CYP19A1: variants seen among roughly 807,000 people sequenced by gnomAD.
The protein encoded by CYP19A1 is aromatase.
A neutral mutation model predicts 44.4 loss-of-function variants in CYP19A1; 32 were observed. The ratio of observed to expected loss-of-function variants is 0.72; its 90% CI spans 0.54 to 0.97. The LOEUF (loss-of-function observed/expected upper bound fraction) is 0.97, where lower values mean the gene tolerates loss of function less well. CYP19A1 is among the 50% of genes least tolerant of loss of function. The probability of loss-of-function intolerance (pLI) is 0.00; values close to 1 mark genes in which losing one functional copy is unlikely to be tolerated. For missense variants in CYP19A1, 598 were observed against 637.8 expected, an observed-to-expected ratio of 0.94 and a Z score of 0.67; for synonymous variants, 212 against 215.6, an observed-to-expected ratio of 0.98 and a Z score of 0.14.
intron 1 of CYP19A1, among the ~76,000 whole-genome samples, chr15:51,252,735 C>CTGTCA: frequency 6.6e-6 from 1 of 152,268 alleles, no homozygotes; most frequent in South Asian, 2.1e-4. Flanking sequence ...GTGGAGGCCA[C>CTGTCA]TGTCTTCACC....
At chr15:51,288,198 T>C (rs1244974126) in intron 1 of CYP19A1, among the ~76,000 whole-genome samples, 4 of 152,092 alleles carry the variant, frequency 2.6e-5, no homozygotes, top group Admixed American at 1.3e-4. Context: ...TTGCCTCCTG[T>C]CCCCAGCCCC....
At chr15:51,305,854 C>T (rs1210485613) in intron 1 of CYP19A1, among the ~76,000 whole-genome samples, 14 of 152,234 alleles carry the variant, frequency 9.2e-5, no homozygotes, top group South Asian at 4.2e-4. Flanking sequence ...AGCCACTGCG[C>T]GCCACCTTGT....
intron 1 of CYP19A1, among the ~76,000 whole-genome samples, chr15:51,279,681 G>A: frequency 6.6e-6 from 1 of 152,092 alleles, no homozygotes; most frequent in East Asian, 1.9e-4. Flanking sequence ...ATTTCTCTTT[G>A]TGGCTTATAT....
chr15:51,327,720 CAG>C (rs1221900214), intron 1 of CYP19A1, among the ~76,000 whole-genome samples: 1 of 152,156 alleles, frequency 6.6e-6, no homozygotes, highest in Non-Finnish European at 1.5e-5. Flanking sequence ...ACATCAGACT[CAG>C]TGTCCCTTCT....
chr15:51,271,446 C>A (rs2140953641), intron 1 of CYP19A1, among the ~76,000 whole-genome samples: 1 of 152,330 alleles, frequency 6.6e-6, no homozygotes, highest in Non-Finnish European at 1.5e-5. Flanking sequence ...AAGAGTACAT[C>A]TTTTCTGAGA....
intron 1 of CYP19A1, among the ~76,000 whole-genome samples, chr15:51,303,475 A>G (rs1030542402): frequency 1.3e-5 from 2 of 152,198 alleles, no homozygotes; most frequent in Admixed American, 6.5e-5. Flanking sequence ...AATGAAAACA[A>G]CATAAACATG....
chr15:51,260,954 A>G (rs560187391), intron 1 of CYP19A1, among the ~76,000 whole-genome samples: 33 of 152,194 alleles, frequency 2.2e-4, no homozygotes, highest in South Asian at 1.9e-3. Flanking sequence ...GCTCGAGCTG[A>G]GCTTTCATTC....
At chr15:51,329,956 C>T (rs541426403) in intron 1 of CYP19A1, among the ~76,000 whole-genome samples, 7 of 152,114 alleles carry the variant, frequency 4.6e-5, no homozygotes, top group Non-Finnish European at 7.4e-5. Context: ...AGCTAGCCCT[C>T]CCTGGGATGT....
intron 1 of CYP19A1, among the ~76,000 whole-genome samples, chr15:51,291,455 G>A (rs1295522577): frequency 6.6e-6 from 1 of 152,198 alleles, no homozygotes; most frequent in East Asian, 1.9e-4. Flanking sequence ...CATTTGACAA[G>A]TGCTTATTGT....
intron 1 of CYP19A1, among the ~76,000 whole-genome samples, chr15:51,274,535 T>G (rs1316640392): frequency 6.6e-6 from 1 of 152,194 alleles, no homozygotes; most frequent in Non-Finnish European, 1.5e-5. Context: ...GCAGACCACC[T>G]CAGAATCTGT....
chr15:51,300,698 G>T (rs1358235212), intron 1 of CYP19A1, among the ~76,000 whole-genome samples: 1 of 152,138 alleles, frequency 6.6e-6, no homozygotes, highest in Admixed American at 6.5e-5. Flanking sequence ...CAGCCTCTCC[G>T]CTGCCTTTCC....
intron 1 of CYP19A1, among the ~76,000 whole-genome samples, chr15:51,302,190 C>G (rs913168172): frequency 6.6e-6 from 1 of 152,214 alleles, no homozygotes; most frequent in Admixed American, 6.5e-5. Context: ...CATTCTGGCT[C>G]TGCTGACAGG....
At chr15:51,282,618 T>C (rs1223337170) in intron 1 of CYP19A1, among the ~76,000 whole-genome samples, 1 of 152,216 alleles carries the variant, frequency 6.6e-6, no homozygotes. Flanking sequence ...TCAAACTGTC[T>C]TTTCTCTTTC....
At chr15:51,239,801 A>G (rs1437903647) in intron 2 of CYP19A1, among the ~76,000 whole-genome samples, 2 of 152,190 alleles carry the variant, frequency 1.3e-5, no homozygotes. Context: ...CGCACTGTCC[A>G]GTTTTCTGTG....
chr15:51,250,301 G>T (rs958006715), intron 1 of CYP19A1, among the ~76,000 whole-genome samples: 1 of 152,192 alleles, frequency 6.6e-6, no homozygotes, highest in Non-Finnish European at 1.5e-5. Context: ...GAGGTTCCGT[G>T]ACTTCTAGCA....
At chr15:51,281,163 C>T (rs2035505151) in intron 1 of CYP19A1, among the ~76,000 whole-genome samples, 1 of 152,220 alleles carries the variant, frequency 6.6e-6, no homozygotes, top group African/African-American at 2.4e-5. Flanking sequence ...AATGCTCACA[C>T]AGCCCCCTTG....
intron 1 of CYP19A1, among the ~76,000 whole-genome samples, chr15:51,276,757 C>T (rs987274420): frequency 6.6e-6 from 1 of 152,198 alleles, no homozygotes; most frequent in African/African-American, 2.4e-5. Context: ...TGAATTCTTC[C>T]TGCCTGAAGT....
chr15:51,309,001 G>A (rs2036263402), intron 1 of CYP19A1, among the ~76,000 whole-genome samples: 1 of 152,192 alleles, frequency 6.6e-6, no homozygotes, highest in African/African-American at 2.4e-5. Flanking sequence ...GAAAGAGAAG[G>A]TAAGTGCTTT....
chr15:51,261,720 C>T (rs1333927005), intron 1 of CYP19A1, among the ~76,000 whole-genome samples: 2 of 152,070 alleles, frequency 1.3e-5, no homozygotes, highest in African/African-American at 4.8e-5. Context: ...GCAGGGTAGT[C>T]AAGGAGAGTT....
Sources: gnomAD v4.1 joint callset for allele counts (sites outside exome capture counted in the v4.1 genomes callset) on GRCh38, gnomAD v4.1.1 for gene constraint, MANE v1.5 for transcripts, NCBI Gene and HGNC (gene_info 2026-07-23, HGNC 2026-07-21) for gene names.